LPP: variants seen among roughly 807,000 people sequenced by gnomAD.
LPP encodes the protein lipoma-preferred partner.
A neutral mutation model predicts 60.4 loss-of-function variants in LPP; 38 were observed. That is an observed-to-expected ratio of 0.63 (90% CI 0.49 to 0.83). The LOEUF is 0.83. LPP is among the 40% of genes least tolerant of loss of function. The probability of loss-of-function intolerance (pLI) is 0.00; values close to 1 mark genes in which losing one functional copy is unlikely to be tolerated. For synonymous variants in LPP, 328 were observed against 290.8 expected (o/e 1.13, Z -1.30); for missense variants, 902 against 783.6 (o/e 1.15, Z -1.80).
At chr3:188,837,328 G>A (rs1758707484) in intron 9 of LPP, among the ~76,000 whole-genome samples, 1 of 151,404 alleles carries the variant, frequency 6.6e-6, no homozygotes, top group African/African-American at 2.4e-5. Context: ...GCAGTGAGCT[G>A]AGATTGCGCC....
intron 4 of LPP, among the ~76,000 whole-genome samples, chr3:188,457,544 A>G (rs1797990829): frequency 6.6e-6 from 1 of 151,892 alleles, no homozygotes. Context: ...CCATGTTTGG[A>G]ATCCCATTGT....
At chr3:188,715,836 T>G (rs911645240) in intron 8 of LPP, among the ~76,000 whole-genome samples, 12 of 152,236 alleles carry the variant, frequency 7.9e-5, no homozygotes, top group Non-Finnish European at 1.6e-4. Context: ...ATATTCTGGC[T>G]GAGGAGCCCT....
At chr3:188,160,125 C>T (rs913228623) in intron 1 of LPP, among the ~76,000 whole-genome samples, 2 of 151,390 alleles carry the variant, frequency 1.3e-5, no homozygotes, top group Admixed American at 1.3e-4. Context: ...GTTGGCCAGG[C>T]GGTCTTGAAC....
intron 6 of LPP, among the ~76,000 whole-genome samples, chr3:188,576,546 T>A (rs1834659960): frequency 6.6e-6 from 1 of 152,148 alleles, no homozygotes; most frequent in Non-Finnish European, 1.5e-5. Context: ...AGTACAGGAT[T>A]CCTTATTTGC....
chr3:188,677,447 A>G (rs1487705128), intron 7 of LPP, among the ~76,000 whole-genome samples: 1 of 152,164 alleles, frequency 6.6e-6, no homozygotes, highest in Non-Finnish European at 1.5e-5. Context: ...AGTTTCTGGT[A>G]TCTCTTCAGG....
intron 3 of LPP, among the ~76,000 whole-genome samples, chr3:188,344,142 A>C (rs983452809): frequency 6.6e-6 from 1 of 152,206 alleles, no homozygotes; most frequent in Non-Finnish European, 1.5e-5. Flanking sequence ...CCTCTTGTAG[A>C]CGGTTGATTA....
Position 188,875,946 on chromosome 3 carries a change from T to C in LPP, c.*1467T>C. On this transcript the variant is annotated 3_prime_UTR_variant, in exon 12 of 12. Coordinates refer to ENST00000617246, the MANE Select transcript of LPP (RefSeq NM_001375462.1). ...TTTCTTCAAATCTCCCACAAGTATA[T>C]ACTTTTAAATTATGGAGTATTTTAA... 5.4e-6 allele frequency: 1 copy of C among 183,656 alleles called. No homozygotes were observed. The highest frequency in any genetic ancestry group is 1.2e-5 in the Non-Finnish European group (1 of 86,316). 11.4% of individuals were successfully genotyped at this position (183,656 alleles called of 1,614,324 possible). A position where few individuals can be genotyped will look rare whatever the true frequency, so the allele number is the denominator to read the frequency against.
At chr3:188,836,543 T>C (rs112424525) in intron 9 of LPP, among the ~76,000 whole-genome samples, 121 of 152,354 alleles carry the variant, frequency 7.9e-4, no homozygotes, top group South Asian at 2.3e-3. Flanking sequence ...GGACTTTTCA[T>C]TGTGCTCTGC....
At chr3:188,574,799 T>C (rs1834237243) in intron 6 of LPP, among the ~76,000 whole-genome samples, 1 of 152,116 alleles carries the variant, frequency 6.6e-6, no homozygotes, top group Non-Finnish European at 1.5e-5. Flanking sequence ...TTCAGATATC[T>C]TTTCTAATAG....
At chr3:188,510,773 C>A (rs1233919616) in intron 5 of LPP, among the ~76,000 whole-genome samples, 1 of 152,204 alleles carries the variant, frequency 6.6e-6, no homozygotes, top group South Asian at 2.1e-4. Flanking sequence ...CCTTCTATAT[C>A]TTTATGCTCA....
At chr3:188,179,106 G>A (rs168267) in intron 1 of LPP, 13,692 of 347,448 alleles carry the variant, frequency 0.039, 612 homozygotes, top group African/African-American at 0.13. Flanking sequence ...GAGAGAGAGA[G>A]AGAGAGAGAG....
chr3:188,527,452 T>A (rs1290105913), intron 6 of LPP, among the ~76,000 whole-genome samples: 1 of 152,132 alleles, frequency 6.6e-6, no homozygotes, highest in Non-Finnish European at 1.5e-5. Flanking sequence ...ATCTGTCTTT[T>A]GTAGATAATG....
At chr3:188,813,297 TGGGTTCTTCA>T (rs1415906326) in intron 9 of LPP, among the ~76,000 whole-genome samples, 1 of 152,242 alleles carries the variant, frequency 6.6e-6, no homozygotes. Context: ...CATGTCCCTC[TGGGTTCTTCA>T]GTGATATTAT....
At chr3:188,647,885 C>T (rs1187451472) in intron 7 of LPP, among the ~76,000 whole-genome samples, 1 of 152,140 alleles carries the variant, frequency 6.6e-6, no homozygotes, top group Non-Finnish European at 1.5e-5. Flanking sequence ...ATGAAAAAAG[C>T]TGTGGGATAT....
intron 2 of LPP, among the ~76,000 whole-genome samples, chr3:188,231,584 C>A (rs1719980499): frequency 6.6e-6 from 1 of 151,928 alleles, no homozygotes; most frequent in Admixed American, 6.6e-5. Flanking sequence ...GCTTGAGCCC[C>A]TTGCTGTATG....
At chr3:188,504,588 G>A (rs1287507038) in intron 5 of LPP, among the ~76,000 whole-genome samples, 1 of 152,076 alleles carries the variant, frequency 6.6e-6, no homozygotes, top group Non-Finnish European at 1.5e-5. Flanking sequence ...AAGGTTTACT[G>A]TTACCGTTTG....
intron 6 of LPP, among the ~76,000 whole-genome samples, chr3:188,529,039 TA>T (rs1269547988): frequency 2.0e-5 from 3 of 152,254 alleles, no homozygotes; most frequent in African/African-American, 7.2e-5. Flanking sequence ...TGATCCATTC[TA>T]ATTTTTTTCT....
chr3:188,813,440 T>C (rs965293132), intron 9 of LPP, among the ~76,000 whole-genome samples: 3 of 152,180 alleles, frequency 2.0e-5, no homozygotes, highest in African/African-American at 7.2e-5. Context: ...GATATTGAAA[T>C]ATAAAAGTAG....
chr3:188,227,502 C>T (rs1435290648), intron 2 of LPP, among the ~76,000 whole-genome samples: 1 of 151,808 alleles, frequency 6.6e-6, no homozygotes, highest in African/African-American at 2.4e-5. Flanking sequence ...GGAGTGGCTT[C>T]CGAAATGCTG....
Sources: allele counts gnomAD v4.1 joint callset (sites outside exome capture counted in the v4.1 genomes callset), GRCh38; gene constraint gnomAD v4.1.1; transcripts MANE v1.5; gene names NCBI Gene and HGNC (gene_info 2026-07-23, HGNC 2026-07-21).